The following TRRAP variants were observed in gnomAD, a reference collection of about 807,000 sequenced individuals.
The protein encoded by TRRAP is transformation/transcription domain associated protein.
TRRAP carries 41 observed loss-of-function variants against 438.8 expected under a neutral mutation model. The observed-to-expected ratio is 0.09, with a 90% CI of 0.07 to 0.12. TRRAP has a LOEUF of 0.12. Ranked by LOEUF, TRRAP falls within the 10% of genes least tolerant of loss-of-function variation. The pLI is 1.00. For synonymous variants in TRRAP, 1,994 were observed against 1,962.9 expected (o/e 1.02, Z -0.42); for missense variants, 3,122 against 5,055.1 (o/e 0.62, Z 11.60).
At chr7:98,888,510 C>T (rs1658955109) in intron 3 of TRRAP, among the ~76,000 whole-genome samples, 1 of 152,336 alleles carries the variant, frequency 6.6e-6, no homozygotes, top group Non-Finnish European at 1.5e-5. Flanking sequence ...GCACTCCAGC[C>T]TGGGCGACAG....
In TRRAP at chr7:98,988,784, G is replaced by A; in HGVS notation, c.9409G>A (p.Ala3137Thr). Reference protein sequence around the residue: ...QINKSEEANKAFSAAVQMHDV... With the variant: ...QINKSEEANKTFSAAVQMHDV... ...TCACAGGTCCGAGGAGGCAAACAAA[G>A]CCTTCTCTGCAGCTGTGCAGATGCA... Residue 3137 changes from alanine (A) to threonine (T), a missense_variant, in exon 63 of 73, where the codon GCC becomes ACC. Coordinates refer to ENST00000456197, the MANE Select transcript of TRRAP (RefSeq NM_001375524.1). 6.2e-7 allele frequency: 1 copy of A among 1,614,162 alleles called. No individual in the cohort carries two copies. Among genetic ancestry groups the A allele is most frequent in the Non-Finnish European group, 8.5e-7 (1 of 1,180,044 alleles).
chr7:98,955,329 C>T (rs782227850), intron 41 of TRRAP, 25 bp downstream of exon 41: 77 of 1,582,526 alleles, frequency 4.9e-5, no homozygotes, highest in African/African-American at 6.7e-5. Flanking sequence ...CGGTGGGCTG[C>T]GGGGCGCGCG....
At chr7:98,919,180 C>T (rs1789672862) in intron 20 of TRRAP, among the ~76,000 whole-genome samples, 1 of 152,110 alleles carries the variant, frequency 6.6e-6, no homozygotes, top group South Asian at 2.1e-4. Flanking sequence ...ATGATGGAGG[C>T]TCAGTTACTC....
intron 26 of TRRAP, 60 bp downstream of exon 26, chr7:98,931,725 A>T (rs1554412990): frequency 3.8e-6 from 6 of 1,578,158 alleles, no homozygotes; most frequent in Non-Finnish European, 5.2e-6. Context: ...CCTTTTTTTT[A>T]AATTTGAGTT....
At chr7:98,999,019 T>A (rs2116834359) in intron 67 of TRRAP, 1 of 728,336 alleles carries the variant, frequency 1.4e-6, no homozygotes, top group East Asian at 2.5e-5. Context: ...GCACACCACA[T>A]CTGCCACCAG....
At chr7:98,999,235 T>C (rs1199249005) in intron 67 of TRRAP, 6 of 1,190,516 alleles carry the variant, frequency 5.0e-6, no homozygotes, top group Non-Finnish European at 7.5e-6. Flanking sequence ...AAGAAGTACA[T>C]GCATTCACTG....
chr7:98,894,990 G>A (rs181319645), intron 6 of TRRAP, among the ~76,000 whole-genome samples: 1 of 151,806 alleles, frequency 6.6e-6, no homozygotes, highest in African/African-American at 2.4e-5. Flanking sequence ...CATAATTGTG[G>A]TAATACTGTA....
At chr7:98,937,878 A>G (rs898250397) in intron 30 of TRRAP, 58 bp downstream of exon 30, 23 of 1,491,418 alleles carry the variant, frequency 1.5e-5, no homozygotes, top group Admixed American at 2.2e-5. Flanking sequence ...AAATTATTTT[A>G]AAAATAAATA....
chr7:98,923,158 A>T (rs1584316234), intron 21 of TRRAP, among the ~76,000 whole-genome samples: 1 of 152,152 alleles, frequency 6.6e-6, no homozygotes, highest in Non-Finnish European at 1.5e-5. Flanking sequence ...CTACTCTCCT[A>T]AGAGAATTGG....
chr7:98,987,106 G>A (rs1262683043), intron 62 of TRRAP, among the ~76,000 whole-genome samples: 4 of 152,074 alleles, frequency 2.6e-5, no homozygotes, highest in Admixed American at 2.6e-4. Flanking sequence ...ACAATATAGT[G>A]GAGACCCCCA....
intron 47 of TRRAP, among the ~76,000 whole-genome samples, chr7:98,963,530 C>A (rs1792013424): frequency 6.6e-6 from 1 of 152,150 alleles, no homozygotes; most frequent in African/African-American, 2.4e-5. Context: ...AGGAAGTTGG[C>A]CACACCGTCG....
chr7:98,881,838 T>TG (rs1318094741), intron 2 of TRRAP, 137 bp from the exon 3 acceptor site: 1 of 851,138 alleles, frequency 1.2e-6, no homozygotes, highest in African/African-American at 1.7e-5. Flanking sequence ...GAACTAGCTA[T>TG]GTGCCTTCTA....
chr7:98,994,527 G>T lies in TRRAP; in HGVS notation c.10048-60G>T. The T allele has an allele frequency of 6.2e-7, 1 of 1,603,788 alleles. No homozygotes were observed. ...GGGCCGCACTCAATAGGCGCTTTTG[G>T]CTGCTGGTTCTGGAGTGGAGGGCTG... On this transcript the variant is annotated intron_variant, in intron 66 of 72. Transcript: ENST00000456197. The surrounding 1 kb of genome is among the most constrained non-coding windows in gnomAD (Gnocchi z 4.8).
chr7:99,006,671 C>T (rs989251256), intron 69 of TRRAP, among the ~76,000 whole-genome samples: 1 of 152,350 alleles, frequency 6.6e-6, no homozygotes, highest in Non-Finnish European at 1.5e-5. Context: ...CCTGACTCCA[C>T]GTCAGGGGTT....
chr7:98,911,893 G>T, intron 17 of TRRAP, 129 bp from the exon 18 acceptor site: 2 of 790,648 alleles, frequency 2.5e-6, no homozygotes, highest in Non-Finnish European at 4.0e-6. Flanking sequence ...TTTTCCTTTG[G>T]TGGATAATTA....
At chr7:98,897,637 C>T in intron 7 of TRRAP, 104 bp from the exon 8 acceptor site, 1 of 1,416,590 alleles carries the variant, frequency 7.1e-7, no homozygotes, top group Non-Finnish European at 9.4e-7. Context: ...TGTTTTTTTC[C>T]ACCAAAGAGT....
chr7:98,911,283 C>CT lies in TRRAP; in HGVS notation c.2007+19dup, dbSNP rs782319729. On this transcript the variant is annotated intron_variant, in intron 17 of 72. Transcript: ENST00000456197. ...ATTATGCTCTTCAGGTATAAAACTCCTTTTTTTATGTTGTTTGAACATTAC... is the reference window on the plus strand; with the variant it reads ...ATTATGCTCTTCAGGTATAAAACTCCTTTTTTTTATGTTGTTTGAACATTAC... 2 of 1,589,978 alleles carry CT rather than the reference C, an allele frequency of 1.3e-6. No individual in the cohort carries two copies. The highest frequency in any genetic ancestry group is 2.2e-5 in the East Asian group (1 of 44,452).
chr7:98,907,923 C>CT (rs1304429881), intron 13 of TRRAP, among the ~76,000 whole-genome samples: 7 of 152,212 alleles, frequency 4.6e-5, no homozygotes, highest in Admixed American at 3.9e-4. Context: ...GCTGCCCTCC[C>CT]TGATGTGCTG....
At chr7:98,982,732 A>G (rs949036767) in intron 59 of TRRAP, among the ~76,000 whole-genome samples, 7 of 145,808 alleles carry the variant, frequency 4.8e-5, no homozygotes, top group African/African-American at 1.8e-4. Context: ...AGGGTAGTCT[A>G]CCTCCCAGGC....
Sources: allele counts gnomAD v4.1 joint callset (sites outside exome capture counted in the v4.1 genomes callset), GRCh38; gene constraint gnomAD v4.1.1; non-coding constraint Gnocchi (gnomAD v3.1); transcripts MANE v1.5; gene names NCBI Gene and HGNC (gene_info 2026-07-23, HGNC 2026-07-21).